TPTE: variants seen among roughly 807,000 people sequenced by gnomAD.
TPTE encodes transmembrane phosphatase with tensin homology, also known as putative tyrosine-protein phosphatase TPTE.
Under a neutral mutation model 84.1 loss-of-function variants are expected in TPTE, and 59 were observed. The observed-to-expected ratio is 0.70, with a 90% CI of 0.57 to 0.87. The LOEUF is 0.87. Among genes scored for constraint, TPTE ranks in the 40% least tolerant of loss-of-function variants. The probability of loss-of-function intolerance (pLI) is 0.00; values close to 1 mark genes in which losing one functional copy is unlikely to be tolerated. For missense variants in TPTE, 382 were observed against 659.6 expected (o/e 0.58, Z 4.61); for synonymous variants, 130 against 223.5 (o/e 0.58, Z 3.73).
chr21:10,529,924 T>A (rs866712002), intron 3 of TPTE, among the ~76,000 whole-genome samples: 2,116 of 151,052 alleles, frequency 0.014, no homozygotes, highest in Middle Eastern at 0.028. Context: ...ATTTTTTTTT[T>A]AAAAAAAGTA....
chr21:10,601,864 C>G (rs1978564293), intron 21 of TPTE, among the ~76,000 whole-genome samples, 194 bp from the exon 22 acceptor site: 1 of 152,302 alleles, frequency 6.6e-6, no homozygotes, highest in Non-Finnish European at 1.5e-5. Flanking sequence ...AAACAAAAAG[C>G]AAATGTAAAC....
At chr21:10,559,443 A>G (rs2074748999) in intron 8 of TPTE, 51 bp from the exon 9 acceptor site, 5 of 1,608,934 alleles carry the variant, frequency 3.1e-6, no homozygotes, top group Admixed American at 1.7e-5. Context: ...TTAAATTTAC[A>G]ATATATGTTA....
intron 10 of TPTE, among the ~76,000 whole-genome samples, chr21:10,562,880 G>T (rs1345133103): frequency 2.0e-5 from 3 of 152,306 alleles, no homozygotes; most frequent in Non-Finnish European, 2.9e-5. Flanking sequence ...CCTACAGAAA[G>T]ATATCAATAT....
At chr21:10,541,051 A>G in intron 4 of TPTE, 61 bp from the exon 5 acceptor site, 2 of 1,607,020 alleles carry the variant, frequency 1.2e-6, no homozygotes, top group Non-Finnish European at 1.7e-6. Context: ...AACTGTAGCT[A>G]TTTGTTGCAA....
intron 8 of TPTE, among the ~76,000 whole-genome samples, chr21:10,555,840 A>AT (rs1286830575): frequency 2.0e-5 from 3 of 152,306 alleles, no homozygotes; most frequent in African/African-American, 4.8e-5. Context: ...TAATTATACC[A>AT]TTTTTTCCAT....
intron 7 of TPTE, among the ~76,000 whole-genome samples, chr21:10,543,938 G>A (rs939101327): frequency 6.6e-6 from 1 of 152,310 alleles, no homozygotes; most frequent in Non-Finnish European, 1.5e-5. Flanking sequence ...GTCCACATGT[G>A]AGGTTGGTGC....
At chr21:10,540,523 GAGA>G (rs1206878535) in intron 4 of TPTE, among the ~76,000 whole-genome samples, 2 of 152,310 alleles carry the variant, frequency 1.3e-5, no homozygotes, top group Non-Finnish European at 2.9e-5. Context: ...TGCTTGCAGG[GAGA>G]AGGAGATAGG....
intron 17 of TPTE, among the ~76,000 whole-genome samples, chr21:10,587,614 G>A (rs1449488266): frequency 2.0e-5 from 3 of 152,248 alleles, no homozygotes; most frequent in African/African-American, 4.8e-5. Context: ...CAATGGCGCA[G>A]TCTTGGCTCA....
At chr21:10,532,731 C>A (rs937955973) in intron 3 of TPTE, among the ~76,000 whole-genome samples, 3 of 152,302 alleles carry the variant, frequency 2.0e-5, no homozygotes, top group African/African-American at 7.2e-5. Flanking sequence ...CGTGATTTCC[C>A]TTTTAACATA....
At chr21:10,588,418 G>A (rs1188686423) in intron 17 of TPTE, among the ~76,000 whole-genome samples, 1 of 152,312 alleles carries the variant, frequency 6.6e-6, no homozygotes, top group Admixed American at 6.5e-5. Context: ...GTGTGATCTG[G>A]CCTTTTTCTC....
intron 3 of TPTE, among the ~76,000 whole-genome samples, chr21:10,533,393 G>T (rs1272508303): frequency 6.6e-6 from 1 of 152,296 alleles, no homozygotes; most frequent in Non-Finnish European, 1.5e-5. Context: ...TAAAATCTTG[G>T]TCAGTGTGTT....
chr21:10,538,871 C>G (rs1311180699), intron 4 of TPTE, 137 bp downstream of exon 4: 2 of 1,579,566 alleles, frequency 1.3e-6, no homozygotes, highest in Non-Finnish European at 1.7e-6. Flanking sequence ...TCAAACACAT[C>G]CACTAACAAA....
chr21:10,551,432 T>TAA (rs60747771), intron 7 of TPTE, among the ~76,000 whole-genome samples: 78 of 150,742 alleles, frequency 5.2e-4, no homozygotes, highest in African/African-American at 1.7e-3. Flanking sequence ...ACTTAAAGTA[T>TAA]AAAAAAAAAA....
At chr21:10,554,686 TG>T (rs1380588251) in intron 8 of TPTE, among the ~76,000 whole-genome samples, 1 of 152,310 alleles carries the variant, frequency 6.6e-6, no homozygotes, top group Non-Finnish European at 1.5e-5. Flanking sequence ...TTTGTGATTT[TG>T]CCTTTAATGT....
At chr21:10,552,894 G>GA (rs1031117562) in intron 8 of TPTE, among the ~76,000 whole-genome samples, 178 bp downstream of exon 8, 6 of 151,750 alleles carry the variant, frequency 4.0e-5, no homozygotes, top group African/African-American at 7.2e-5. Context: ...GTATTATTTT[G>GA]AAAAAAAAAT....
At chr21:10,593,269 A>G (rs2075520234) in intron 19 of TPTE, among the ~76,000 whole-genome samples, 1 of 152,312 alleles carries the variant, frequency 6.6e-6, no homozygotes, top group South Asian at 2.1e-4. Context: ...TCTTAAAACA[A>G]CAAGAAAAAA....
chr21:10,598,892 C>G (rs2075639321), intron 21 of TPTE, among the ~76,000 whole-genome samples: 1 of 152,304 alleles, frequency 6.6e-6, no homozygotes, highest in South Asian at 2.1e-4. Context: ...TTGGCCTCTC[C>G]CGACTGAGGG....
At chr21:10,569,985 C>A (rs1190170424) in intron 13 of TPTE, among the ~76,000 whole-genome samples, 1 of 152,310 alleles carries the variant, frequency 6.6e-6, no homozygotes, top group Non-Finnish European at 1.5e-5. Context: ...TCAGCTGACT[C>A]CATTTGAGTT....
chr21:10,566,605 A>G (rs543449738), intron 10 of TPTE, among the ~76,000 whole-genome samples: 227 of 152,318 alleles, frequency 1.5e-3, no homozygotes, highest in African/African-American at 5.2e-3. Flanking sequence ...GAAGCAACCT[A>G]AGTGCCCATC....
Sources: gnomAD v4.1 joint callset for allele counts (sites outside exome capture counted in the v4.1 genomes callset) on GRCh38, gnomAD v4.1.1 for gene constraint, MANE v1.5 for transcripts, NCBI Gene and HGNC (gene_info 2026-07-23, HGNC 2026-07-21) for gene names.